The following SGCD variants were observed in gnomAD, a reference collection of about 807,000 sequenced individuals.
SGCD encodes delta-sarcoglycan.
SGCD carries 18 observed loss-of-function variants against 36.6 expected under a neutral mutation model. The ratio of observed to expected loss-of-function variants is 0.49; its 90% CI spans 0.34 to 0.73. The LOEUF (loss-of-function observed/expected upper bound fraction) is 0.73, where lower values mean the gene tolerates loss of function less well. SGCD is among the 30% of genes least tolerant of loss of function. The pLI, the probability that SGCD is intolerant of heterozygous loss-of-function variation, is 0.01. For missense variants in SGCD, 387 were observed against 346.7 expected (o/e 1.12, Z -0.92); for synonymous variants, 133 against 130.6 (o/e 1.02, Z -0.12).
intron 6 of SGCD, among the ~76,000 whole-genome samples, chr5:156,633,102 G>C (rs1021143323): frequency 6.6e-6 from 1 of 152,174 alleles, no homozygotes; most frequent in African/African-American, 2.4e-5. Flanking sequence ...TTCTCATGGA[G>C]ATTACACCTC....
At chr5:156,731,122 T>C (rs777414204) in intron 7 of SGCD, among the ~76,000 whole-genome samples, 5 of 152,060 alleles carry the variant, frequency 3.3e-5, no homozygotes, top group Non-Finnish European at 7.4e-5. Flanking sequence ...GTCTATAATA[T>C]CTAGCTTCTA....
chr5:156,476,186 G>T (rs971852130), intron 3 of SGCD, among the ~76,000 whole-genome samples: 1 of 152,188 alleles, frequency 6.6e-6, no homozygotes, highest in African/African-American at 2.4e-5. Flanking sequence ...GAATAGCATG[G>T]AGATTTGTGG....
chr5:156,675,467 G>A (rs1396851315), intron 7 of SGCD, among the ~76,000 whole-genome samples: 1 of 152,200 alleles, frequency 6.6e-6, no homozygotes. Flanking sequence ...AATCAGGACA[G>A]CAATAAGACA....
chr5:155,831,715 G>C, the SGCD span, among the ~76,000 whole-genome samples: 1 of 152,160 alleles, frequency 6.6e-6, no homozygotes, highest in Non-Finnish European at 1.5e-5. Context: ...TTGTTCTCTT[G>C]TACTGCAATC....
In SGCD at chr5:156,268,728, G is replaced by T. The variant is rs1359534002; in HGVS notation, c.-43-60806G>T. On this transcript the variant is annotated intron_variant, in intron 3 of 9. Coordinates refer to the SGCD transcript ENST00000517913. ...TTGCCTCAGCCTCCTGAGTAGCTGGGATTAGAGGCATGCGCCATCACGCCT... is the reference window on the plus strand; with the variant it reads ...TTGCCTCAGCCTCCTGAGTAGCTGGTATTAGAGGCATGCGCCATCACGCCT... 2.0e-5 allele frequency among the ~76,000 whole-genome samples: 3 copies of T among 152,160 alleles called. No individual in the cohort carries two copies. The East Asian group carries it at 5.8e-4, about 29-fold the overall frequency.
chr5:155,743,249 G>A, the SGCD span, among the ~76,000 whole-genome samples: 1 of 152,178 alleles, frequency 6.6e-6, no homozygotes, highest in Admixed American at 6.5e-5. Flanking sequence ...CCCATGCTGA[G>A]GCTATCCAGG....
chr5:156,144,180 T>G (rs1048347375), intron 3 of SGCD, among the ~76,000 whole-genome samples: 16 of 152,074 alleles, frequency 1.1e-4, no homozygotes, highest in African/African-American at 3.9e-4. Context: ...CTATTGTGAA[T>G]AGTGCCGCAA....
intron 1 of SGCD, among the ~76,000 whole-genome samples, chr5:155,888,344 T>G (rs532624302): frequency 6.6e-6 from 1 of 152,318 alleles, no homozygotes; most frequent in African/African-American, 2.4e-5. Context: ...ACTTCTATCC[T>G]GCTGTCCAGT....
chr5:156,610,086 G>A (rs182889508), intron 6 of SGCD, among the ~76,000 whole-genome samples: 77 of 152,332 alleles, frequency 5.1e-4, no homozygotes, highest in Non-Finnish European at 1.2e-4. Flanking sequence ...CATTGCTGGT[G>A]AGGATCTGCA....
intron 7 of SGCD, among the ~76,000 whole-genome samples, chr5:156,700,276 T>A (rs1754477774): frequency 6.6e-6 from 1 of 152,082 alleles, no homozygotes; most frequent in Non-Finnish European, 1.5e-5. Context: ...TTCTCTGTTG[T>A]ACCCTCCAAG....
chr5:156,307,027 A>T (rs184927073), intron 3 of SGCD, among the ~76,000 whole-genome samples: 62 of 148,788 alleles, frequency 4.2e-4, no homozygotes, highest in African/African-American at 1.5e-3. Flanking sequence ...CTATTTGCAC[A>T]GAATATAAGT....
intron 3 of SGCD, among the ~76,000 whole-genome samples, chr5:156,230,592 G>A (rs1423450544): frequency 6.6e-6 from 1 of 152,124 alleles, no homozygotes; most frequent in Non-Finnish European, 1.5e-5. Flanking sequence ...CCTGGGTCCT[G>A]CAGGAGCAGT....
At chr5:155,905,354 C>A (rs1362110291) in intron 1 of SGCD, among the ~76,000 whole-genome samples, 1 of 151,168 alleles carries the variant, frequency 6.6e-6, no homozygotes, top group Non-Finnish European at 1.5e-5. Context: ...TTATTAGTTA[C>A]TTTTTTTTTG....
At chr5:155,905,811 C>T (rs1286602750) in intron 1 of SGCD, among the ~76,000 whole-genome samples, 2 of 152,060 alleles carry the variant, frequency 1.3e-5, no homozygotes, top group Non-Finnish European at 2.9e-5. Context: ...TCTCTTGCTG[C>T]CACCATGTAA....
intron 1 of SGCD, among the ~76,000 whole-genome samples, chr5:155,896,725 A>C (rs1190511214): frequency 6.6e-6 from 1 of 152,160 alleles, no homozygotes; most frequent in Admixed American, 6.5e-5. Flanking sequence ...AGTCATTTTC[A>C]AAATGTGCTC....
chr5:156,656,187 G>C (rs2113614326), intron 7 of SGCD, among the ~76,000 whole-genome samples: 1 of 152,146 alleles, frequency 6.6e-6, no homozygotes, highest in Admixed American at 6.5e-5. Context: ...ATGCTGATGT[G>C]CTCTTACGTT....
At chr5:156,598,372 TCTCTA>T (rs1352821711) in intron 6 of SGCD, among the ~76,000 whole-genome samples, 3 of 151,964 alleles carry the variant, frequency 2.0e-5, no homozygotes, top group Non-Finnish European at 4.4e-5. Context: ...TGAAACCCCG[TCTCTA>T]CTAAAAATAT....
rs139986374 is a variant in SGCD at position 156,453,790 on chromosome 5, A to G, written c.193-54811A>G. The stretch of plus-strand genomic sequence containing the variant: ...GTACATCCATACAATGGAATTGGTC[A>G]GCAAACTGCTGATACATGCAAGACC... On this transcript the variant is annotated intron_variant, in intron 3 of 8. Coordinates refer to ENST00000337851, the MANE Select transcript of SGCD (RefSeq NM_000337.6). Among the ~76,000 whole-genome samples the G allele has an allele frequency of 1.2e-3, 178 of 152,358 alleles. 1 individual carries two copies. The highest frequency in any genetic ancestry group is 4.1e-3 in the African/African-American group (172 of 41,594).
At chr5:156,172,667 A>G (rs1329649833) in intron 3 of SGCD, among the ~76,000 whole-genome samples, 1 of 152,172 alleles carries the variant, frequency 6.6e-6, no homozygotes, top group Non-Finnish European at 1.5e-5. Flanking sequence ...ATGTGAAGGG[A>G]GCTTATGTGA....
Sources: allele counts gnomAD v4.1 joint callset (sites outside exome capture counted in the v4.1 genomes callset), GRCh38; gene constraint gnomAD v4.1.1; transcripts MANE v1.5; gene names NCBI Gene and HGNC (gene_info 2026-07-23, HGNC 2026-07-21).